The following SH2D5 variants were observed in gnomAD, a reference collection of about 807,000 sequenced individuals.
SH2D5 encodes the protein SH2 domain-containing protein 5.
SH2D5 carries 45 observed loss-of-function variants against 48.2 expected under a neutral mutation model. The observed-to-expected ratio is 0.93, with a 90% CI of 0.73 to 1.20. SH2D5 has a LOEUF of 1.20. Ranked by LOEUF, SH2D5 falls within the 50% of genes most tolerant of loss-of-function variation. SH2D5 has a pLI of 0.00. For missense variants in SH2D5, 538 were observed against 584.1 expected (o/e 0.92, Z 0.81); for synonymous variants, 230 against 249.8 (o/e 0.92, Z 0.75).
intron 8 of SH2D5, 55 bp from the exon 9 acceptor site, chr1:20,722,970 C>A: frequency 7.0e-7 from 1 of 1,426,544 alleles, no homozygotes; most frequent in South Asian, 1.5e-5. Context: ...GGGCAATGGT[C>A]ATGAGGACCC....
rs1205268611 is a variant in SH2D5 at position 20,721,012 on chromosome 1, T to G, written c.*780A>C. The stretch of plus-strand genomic sequence containing the variant: ...GCTGGGGGTGGGGGTGCCCTGGTGA[T>G]TCCTAGGGGGAAGGGGTGAGCCTGC... On this transcript the variant is annotated 3_prime_UTR_variant, in exon 10 of 10. Coordinates refer to ENST00000444387, the MANE Select transcript of SH2D5 (RefSeq NM_001103161.2). 1 of 152,380 alleles carries G rather than the reference T, an allele frequency of 6.6e-6. No individual in the cohort carries two copies. Among genetic ancestry groups the G allele is most frequent in the African/African-American group, 2.4e-5 (1 of 41,436 alleles). 9.4% of individuals were successfully genotyped at this position (152,380 alleles called of 1,614,324 possible).
At chr1:20,731,285 C>T (rs1458348107) in intron 1 of SH2D5, 1 of 152,488 alleles carries the variant, frequency 6.6e-6, no homozygotes, top group African/African-American at 2.4e-5. Context: ...ACGCGTCCAC[C>T]TGCCCTGGGC....
chr1:20,727,541 C>A lies in SH2D5; in HGVS notation c.150G>T (p.Gln50His). ...CACCCACCTTCAGCGCCCACAGCTG[C>A]TGCTGCACCAGCCACACGCTCTCCT... ...DTQESVWLVQ[Q>H]QLWALKDCPR... The change falls in exon 3 of 10, where the codon CAG (glutamine) becomes CAT (histidine). Residue 50 changes from glutamine (Q) to histidine (H), a missense_variant. Gln to His is a conservative substitution (Grantham distance 24). Coordinates refer to ENST00000444387, the MANE Select transcript of SH2D5 (RefSeq NM_001103161.2). 1.2e-6 allele frequency: 2 copies of A among 1,606,940 alleles called. No individual in the cohort carries two copies. The highest frequency in any genetic ancestry group is 1.7e-6 in the Non-Finnish European group (2 of 1,177,614).
chr1:20,730,314 G>T (rs575310913), intron 1 of SH2D5, among the ~76,000 whole-genome samples: 22 of 139,596 alleles, frequency 1.6e-4, no homozygotes, highest in African/African-American at 3.4e-4. Context: ...CTCGGGGGGG[G>T]GGGGGACGCA....
intron 5 of SH2D5, 120 bp downstream of exon 5, chr1:20,725,800 G>T (rs905514499): frequency 2.5e-6 from 3 of 1,216,940 alleles, no homozygotes; most frequent in Non-Finnish European, 3.4e-6. Context: ...ATGTGGTGAG[G>T]GGTGCATGCC....
chr1:20,727,812 A>T lies in SH2D5; in HGVS notation c.87+146T>A, dbSNP rs1444874597. Reference sequence around the variant, plus strand: ...AAGCTCTCTGAAGTCCCAGTCCCTCATCGGGGCACACACACACTCCCCAGC... The same window carrying T: ...AAGCTCTCTGAAGTCCCAGTCCCTCTTCGGGGCACACACACACTCCCCAGC... On this transcript the variant is annotated intron_variant, in intron 2 of 9. Coordinates refer to ENST00000444387, the MANE Select transcript of SH2D5 (RefSeq NM_001103161.2). 4.7e-6 allele frequency: 4 copies of T among 851,274 alleles called. No individual in the cohort carries two copies. In the African/African-American group the frequency reaches 6.7e-5, roughly 14 times the overall value. 52.7% of individuals were successfully genotyped at this position (851,274 alleles called of 1,614,324 possible).
rs2054694732 is a variant in SH2D5 at position 20,721,932 on chromosome 1, T to C, written c.1132A>G (p.Ser378Gly). 1 of 1,613,192 alleles carries C rather than the reference T, an allele frequency of 6.2e-7. No individual in the cohort carries two copies. Among genetic ancestry groups the C allele is most frequent in the Non-Finnish European group, 8.5e-7 (1 of 1,179,992 alleles). The part of the protein sequence containing the change: ...LVENHAVTER[S>G]LFCPLDMGRL... ...CCCATGTCGAGGGGACAGAAGAGGC[T>C]ACGTTCAGTAACCGCGTGGTTCTCC... The change falls in exon 10 of 10, where the codon AGC (serine) becomes GGC (glycine). Residue 378 changes from serine (S) to glycine (G), a missense_variant. Physicochemically the swap from Ser to Gly is moderately conservative, Grantham distance 56 (BLOSUM62 0). Transcript: ENST00000444387.
chr1:20,723,901 C>T (rs1045105610), intron 7 of SH2D5, among the ~76,000 whole-genome samples, 167 bp from the exon 8 acceptor site: 3 of 152,270 alleles, frequency 2.0e-5, no homozygotes, highest in East Asian at 3.8e-4. Flanking sequence ...CCATACACGG[C>T]TGTACACAGT....
At chr1:20,723,172 C>A (rs1468280877) in intron 8 of SH2D5, among the ~76,000 whole-genome samples, 3 of 152,150 alleles carry the variant, frequency 2.0e-5, no homozygotes, top group African/African-American at 7.2e-5. Flanking sequence ...CAGAATGAGA[C>A]CCTGTCTCTA....
Position 20,726,085 on chromosome 1 carries a change from G to A in SH2D5, c.244-19C>T. 1 of 1,581,844 alleles carries A rather than the reference G, an allele frequency of 6.3e-7. No homozygotes were observed. Reference sequence around the variant, plus strand: ...GCAGCACCTGGCGAGGCAGCAGTGTGAGGCCCCCATCAGACCCACCGGGCA... The same window carrying A: ...GCAGCACCTGGCGAGGCAGCAGTGTAAGGCCCCCATCAGACCCACCGGGCA... On this transcript the variant is annotated intron_variant, in intron 4 of 9. Transcript: ENST00000444387.
chr1:20,727,945 T>C lies in SH2D5; in HGVS notation c.87+13A>G, dbSNP rs374447501. On this transcript the variant is annotated intron_variant, in intron 2 of 9. Coordinates refer to ENST00000444387, the MANE Select transcript of SH2D5 (RefSeq NM_001103161.2). ...CCCACCAGAGCACACCTGGACAGGG[T>C]GGCCCCACCCACCTGGGCAAACTTG... 1 of 1,557,884 alleles carries C rather than the reference T, an allele frequency of 6.4e-7. No homozygotes were observed. Among genetic ancestry groups the C allele is most frequent in the Non-Finnish European group, 8.7e-7 (1 of 1,148,844 alleles).
At position 20,724,501 on chromosome 1, in the gene SH2D5, A is replaced by C. The variant is rs768787291; in HGVS notation, c.525T>G (p.Ser175=). 2.5e-6 allele frequency: 4 copies of C among 1,612,594 alleles called. No homozygotes were observed. Among genetic ancestry groups the C allele is most frequent in the Non-Finnish European group, 2.5e-6 (3 of 1,179,770 alleles). The change falls in exon 6 of 10, where the codon TCT becomes TCG. Residue 175 remains serine, a synonymous_variant. Coordinates refer to ENST00000444387, the MANE Select transcript of SH2D5 (RefSeq NM_001103161.2). ...CGAAGGGCTCCCGCACCAGGCCCCCAGAGCTGGACAGTGGCTTCAGGGGCA... is the reference window on the plus strand; with the variant it reads ...CGAAGGGCTCCCGCACCAGGCCCCCCGAGCTGGACAGTGGCTTCAGGGGCA... The part of the protein sequence containing the change: ...GEVPLKPLSS[S]GGLVREPFGR...
intron 2 of SH2D5, among the ~76,000 whole-genome samples, 155 bp downstream of exon 2, chr1:20,727,803 C>G (rs1042068175): frequency 6.6e-6 from 1 of 152,210 alleles, no homozygotes; most frequent in Non-Finnish European, 1.5e-5. Flanking sequence ...TCTGAAGTCC[C>G]AGTCCCTCAT....
rs886888263 is a variant in SH2D5, at chr1:20,732,330, G to A, written c.-192C>T. On this transcript the variant is annotated 5_prime_UTR_variant, in exon 1 of 10. Coordinates refer to ENST00000444387, the MANE Select transcript of SH2D5 (RefSeq NM_001103161.2). The surrounding 1 kb of genome is among the most constrained non-coding windows in gnomAD (Gnocchi z 5.1). ...GAAGGCACCTCCTCCCGGGCTGGGG[G>A]CGCTGAATCCCCCGCGCCTCACTCA... 2.0e-5 allele frequency: 3 copies of A among 152,336 alleles called. No individual in the cohort carries two copies. Among genetic ancestry groups the A allele is most frequent in the East Asian group, 1.9e-4 (1 of 5,144 alleles). 9.4% of individuals were successfully genotyped at this position (152,336 alleles called of 1,614,324 possible).
Position 20,726,002 on chromosome 1 carries a change from T to A in SH2D5, c.308A>T (p.Gln103Leu). The A allele has an allele frequency of 1.2e-6, 2 of 1,613,164 alleles. No individual in the cohort carries two copies. Among genetic ancestry groups the A allele is most frequent in the Non-Finnish European group, 1.7e-6 (2 of 1,179,868 alleles). The part of the protein sequence containing the change: ...LYSTWCPADC[Q>L]FAFMARNPRS... ...TGGGTTTCGAGCCATGAAGGCAAAC[T>A]GGCAGTCGGCAGGGCACCAGGTGGA... is the stretch of plus-strand genomic sequence containing the variant. The change falls in exon 5 of 10, where the codon CAG becomes CTG. Residue 103 changes from glutamine (Q) to leucine (L), a missense_variant. Transcript: ENST00000444387.
rs1477027095 is a variant in SH2D5, at chr1:20,732,662, C to T, written c.-524G>A. The T allele has an allele frequency of 6.6e-6, 1 of 152,316 alleles. No individual in the cohort carries two copies. Among genetic ancestry groups the T allele is most frequent in the African/African-American group, 2.4e-5 (1 of 41,468 alleles). The allele number at this position is 152,316 out of a possible 1,614,324, so 9.4% of individuals were successfully genotyped here. On this transcript the variant is annotated 5_prime_UTR_variant, in exon 1 of 10. Coordinates refer to ENST00000444387, the MANE Select transcript of SH2D5 (RefSeq NM_001103161.2). This position sits in a 1 kb window ranked among gnomAD's most constrained non-coding sequence, Gnocchi z 5.1. ...GAGTGGAGGGTCGTTGCGCATCCTC[C>T]TCCTCACTTTCTTCCTGCCGGGACG...
At position 20,721,970 on chromosome 1, in the gene SH2D5, A is replaced by C; in HGVS notation, c.1094T>G (p.Leu365Arg). Residue 365 changes from leucine to arginine, a missense_variant, in exon 10 of 10, where the codon CTG becomes CGG. By Grantham distance (102) the Leu-to-Arg change is moderately radical. Coordinates refer to ENST00000444387, the MANE Select transcript of SH2D5 (RefSeq NM_001103161.2). Reference sequence around the variant, plus strand: ...CGCGTGGTTCTCCACCAGAGCCTCCAGGCTGGGGAACTCTGCCGGCAGGTG... The same window carrying C: ...CGCGTGGTTCTCCACCAGAGCCTCCCGGCTGGGGAACTCTGCCGGCAGGTG... ...LEHLPAEFPS[L>R]EALVENHAVT... is the part of the protein sequence containing the mutation. 1 of 1,612,954 alleles carries C rather than the reference A, an allele frequency of 6.2e-7. No homozygotes were observed. The highest frequency in any genetic ancestry group is 1.1e-5 in the South Asian group (1 of 91,068).
chr1:20,721,573 C>T lies in SH2D5; in HGVS notation c.*219G>A, dbSNP rs1287653779. The T allele has an allele frequency of 2.1e-6, 1 of 481,176 alleles. No homozygotes were observed. Among genetic ancestry groups the T allele is most frequent in the Non-Finnish European group, 3.6e-6 (1 of 275,652 alleles). 29.8% of individuals were successfully genotyped at this position (481,176 alleles called of 1,614,324 possible). A position where few individuals can be genotyped will look rare whatever the true frequency, so the allele number is the denominator to read the frequency against. On this transcript the variant is annotated 3_prime_UTR_variant, in exon 10 of 10. Transcript: ENST00000444387. ...ATCCGAAGCCTGCAACTCCACCTGCCCTCCTGGAATCTCAGCAGGCCACAT... is the reference window on the plus strand; with the variant it reads ...ATCCGAAGCCTGCAACTCCACCTGCTCTCCTGGAATCTCAGCAGGCCACAT...
intron 5 of SH2D5, 85 bp downstream of exon 5, chr1:20,725,834 GC>G: frequency 6.5e-7 from 1 of 1,538,788 alleles, no homozygotes; most frequent in Non-Finnish European, 8.8e-7. Flanking sequence ...GGCCGCCCTG[GC>G]AAAGCCCTCA....
Sources: allele counts gnomAD v4.1 joint callset (sites outside exome capture counted in the v4.1 genomes callset), GRCh38; gene constraint gnomAD v4.1.1; non-coding constraint Gnocchi (gnomAD v3.1); transcripts MANE v1.5; gene names NCBI Gene and HGNC (gene_info 2026-07-23, HGNC 2026-07-21).